Variants in SOX5 observed in about 807,000 individuals in gnomAD.
The protein encoded by SOX5 is transcription factor SOX-5.
SOX5 carries 9 observed loss-of-function variants against 92.0 expected under a neutral mutation model. The observed-to-expected ratio is 0.10, with a 90% CI of 0.06 to 0.17. The LOEUF is 0.17. Ranked by LOEUF, SOX5 falls within the 10% of genes least tolerant of loss-of-function variation. The pLI is 1.00. For synonymous variants in SOX5, 344 were observed against 336.3 expected, an observed-to-expected ratio of 1.02 and a Z score of -0.25; for missense variants, 642 against 944.5, an observed-to-expected ratio of 0.68 and a Z score of 4.20.
At chr12:23,587,433 T>A (rs1231053278) in intron 9 of SOX5, among the ~76,000 whole-genome samples, 2 of 152,108 alleles carry the variant, frequency 1.3e-5, no homozygotes, top group Non-Finnish European at 2.9e-5. Context: ...AAGCTGCTTC[T>A]CTATTATTTA....
intron 3 of SOX5, among the ~76,000 whole-genome samples, chr12:23,784,793 T>C (rs771608085): frequency 1.4e-4 from 22 of 152,148 alleles, no homozygotes; most frequent in Non-Finnish European, 2.1e-4. Flanking sequence ...AAAAAAATCA[T>C]TGGCCACACG....
chr12:24,454,248 A>T (rs572975497), intron 1 of SOX5, among the ~76,000 whole-genome samples: 1 of 152,318 alleles, frequency 6.6e-6, no homozygotes, highest in Admixed American at 6.5e-5. Context: ...TTGAGTTTCT[A>T]TTAAGGTCTG....
At chr12:24,504,968 G>C (rs995250834) in intron 1 of SOX5, among the ~76,000 whole-genome samples, 1 of 152,090 alleles carries the variant, frequency 6.6e-6, no homozygotes, top group African/African-American at 2.4e-5. Flanking sequence ...CTCAATCCTG[G>C]GGTTTGCAAT....
chr12:24,399,425 G>A (rs1304181685), intron 1 of SOX5, among the ~76,000 whole-genome samples: 1 of 152,054 alleles, frequency 6.6e-6, no homozygotes. Context: ...CAAGACACAG[G>A]GAGTCCAGAA....
chr12:23,828,069 G>T (rs1248421876), intron 3 of SOX5, among the ~76,000 whole-genome samples: 1 of 152,168 alleles, frequency 6.6e-6, no homozygotes, highest in Non-Finnish European at 1.5e-5. Flanking sequence ...TACATCAGGG[G>T]TCCCATAGAT....
intron 3 of SOX5, among the ~76,000 whole-genome samples, chr12:23,781,681 T>C (rs866477268): frequency 1.3e-5 from 2 of 151,954 alleles, no homozygotes; most frequent in South Asian, 2.1e-4. Context: ...TCTCTCTCTC[T>C]CCCCCGCTTT....
chr12:24,303,021 G>C (rs1262087804), intron 2 of SOX5, among the ~76,000 whole-genome samples: 1 of 152,152 alleles, frequency 6.6e-6, no homozygotes, highest in Non-Finnish European at 1.5e-5. Context: ...AGATCAGTAT[G>C]AACCAGAAAG....
intron 4 of SOX5, among the ~76,000 whole-genome samples, chr12:24,140,585 A>C (rs912096604): frequency 3.3e-5 from 5 of 152,154 alleles, no homozygotes; most frequent in African/African-American, 1.2e-4. Flanking sequence ...ACATATTCAG[A>C]TTTACAAGGA....
At chr12:23,875,713 A>T (rs1377717873) in intron 2 of SOX5, among the ~76,000 whole-genome samples, 1 of 152,196 alleles carries the variant, frequency 6.6e-6, no homozygotes, top group Admixed American at 6.5e-5. Flanking sequence ...AAGCAATGCT[A>T]GGTTGAGATT....
upstream of SOX5, chr12:23,950,827 G>A (rs1212476854): frequency 2.0e-6 from 3 of 1,524,432 alleles, no homozygotes; most frequent in South Asian, 3.6e-5. Flanking sequence ...CCTTTGACAC[G>A]AAATGACAGA....
At chr12:24,090,369 A>C (rs1157863687) in intron 4 of SOX5, among the ~76,000 whole-genome samples, 1 of 152,192 alleles carries the variant, frequency 6.6e-6, no homozygotes, top group Non-Finnish European at 1.5e-5. Flanking sequence ...GTGACCACTG[A>C]GAACGCTTGT....
intron 11 of SOX5, among the ~76,000 whole-genome samples, chr12:23,549,179 TA>T (rs1467723528): frequency 6.6e-6 from 1 of 152,018 alleles, no homozygotes; most frequent in Non-Finnish European, 1.5e-5. Flanking sequence ...TACTCTTTTC[TA>T]AATAGAGGCA....
At chr12:24,246,676 A>C (rs902140612) in intron 3 of SOX5, among the ~76,000 whole-genome samples, 1 of 152,172 alleles carries the variant, frequency 6.6e-6, no homozygotes, top group Non-Finnish European at 1.5e-5. Context: ...GTTTCCCACA[A>C]ATTGAGAAAA....
intron 4 of SOX5, among the ~76,000 whole-genome samples, chr12:23,999,732 C>A (rs1033419896): frequency 2.0e-5 from 3 of 151,778 alleles, no homozygotes; most frequent in Non-Finnish European, 4.4e-5. Context: ...CAAAGTGCTA[C>A]AGAAAAAAAC....
At chr12:24,302,376 A>G (rs937040762) in intron 2 of SOX5, among the ~76,000 whole-genome samples, 4 of 152,208 alleles carry the variant, frequency 2.6e-5, no homozygotes, top group African/African-American at 9.6e-5. Context: ...TCTATCTACA[A>G]AAACCCACGG....
chr12:23,912,995 A>C (rs962959490), intron 1 of SOX5, among the ~76,000 whole-genome samples: 1 of 152,188 alleles, frequency 6.6e-6, no homozygotes, highest in African/African-American at 2.4e-5. Context: ...ATAGTACTGA[A>C]TTATATTTCA....
At chr12:23,950,879 A>T, upstream of SOX5, 2 of 1,535,288 alleles carry the variant, frequency 1.3e-6, no homozygotes, top group Non-Finnish European at 8.7e-7. Flanking sequence ...ACAGACATGC[A>T]TGCAGAGATG....
chr12:23,721,828 G>A (rs1176414811), intron 6 of SOX5, among the ~76,000 whole-genome samples: 1 of 152,226 alleles, frequency 6.6e-6, no homozygotes, highest in Non-Finnish European at 1.5e-5. Context: ...ACAGGCACAA[G>A]CCAAGGAAGC....
At chr12:24,064,721 G>T (rs1300652652) in intron 4 of SOX5, among the ~76,000 whole-genome samples, 1 of 152,120 alleles carries the variant, frequency 6.6e-6, no homozygotes, top group African/African-American at 2.4e-5. Context: ...ATCATAGAAA[G>T]GTCCTGTCAT....
Sources: allele counts gnomAD v4.1 joint callset (sites outside exome capture counted in the v4.1 genomes callset), GRCh38; gene constraint gnomAD v4.1.1; transcripts MANE v1.5; gene names NCBI Gene and HGNC (gene_info 2026-07-23, HGNC 2026-07-21).